The following TMEM156 variants were observed in gnomAD, a reference collection of about 807,000 sequenced individuals.
TMEM156 encodes the protein transmembrane protein 156.
TMEM156 carries 28 observed loss-of-function variants against 30.5 expected under a neutral mutation model. The ratio of observed to expected loss-of-function variants is 0.92; its 90% CI spans 0.68 to 1.26. The LOEUF is 1.26. Among genes scored for constraint, TMEM156 ranks in the 50% most tolerant of loss-of-function variants. The pLI is 0.00. For synonymous variants in TMEM156, 137 were observed against 119.9 expected, an observed-to-expected ratio of 1.14 and a Z score of -0.93; for missense variants, 351 against 340.6, an observed-to-expected ratio of 1.03 and a Z score of -0.24.
At chr4:39,029,979 A>G (rs1003061702) in intron 1 of TMEM156, among the ~76,000 whole-genome samples, 17 of 151,982 alleles carry the variant, frequency 1.1e-4, no homozygotes, top group Admixed American at 2.6e-4. Context: ...TTCTACCACT[A>G]AATAATGTAA....
At chr4:38,976,351 C>CCTGG (rs1474425446) in intron 5 of TMEM156, among the ~76,000 whole-genome samples, 1 of 151,412 alleles carries the variant, frequency 6.6e-6, no homozygotes, top group Admixed American at 6.6e-5. Flanking sequence ...GACAGGGACT[C>CCTGG]CTGGTGGTGA....
At chr4:38,997,411 CA>C (rs2059281423) in intron 2 of TMEM156, among the ~76,000 whole-genome samples, 1 of 152,120 alleles carries the variant, frequency 6.6e-6, no homozygotes, top group Non-Finnish European at 1.5e-5. Flanking sequence ...TGCACATGTA[CA>C]CCCTGAATCT....
chr4:38,982,139 C>G (rs1711609183), intron 5 of TMEM156, among the ~76,000 whole-genome samples: 1 of 152,144 alleles, frequency 6.6e-6, no homozygotes, highest in South Asian at 2.1e-4. Flanking sequence ...GGCAGAAGAA[C>G]CTGGAAAGAT....
chr4:38,991,407 G>A (rs570795550), intron 3 of TMEM156, among the ~76,000 whole-genome samples: 1 of 151,480 alleles, frequency 6.6e-6, no homozygotes, highest in South Asian at 2.1e-4. Context: ...TTTTTGTAGA[G>A]TCAGGGTTTC....
At chr4:39,018,335 T>C (rs1714637106) in intron 1 of TMEM156, among the ~76,000 whole-genome samples, 1 of 152,246 alleles carries the variant, frequency 6.6e-6, no homozygotes, top group African/African-American at 2.4e-5. Context: ...GTTTTTTCAC[T>C]GACATACAAA....
intron 6 of TMEM156, among the ~76,000 whole-genome samples, chr4:38,970,316 T>C (rs1369337552): frequency 6.6e-6 from 1 of 152,164 alleles, no homozygotes; most frequent in Non-Finnish European, 1.5e-5. Context: ...TAATATGCCC[T>C]TCATTAAACT....
At chr4:38,994,772 A>C (rs1049343621) in intron 2 of TMEM156, among the ~76,000 whole-genome samples, 5 of 152,070 alleles carry the variant, frequency 3.3e-5, no homozygotes, top group African/African-American at 1.2e-4. Flanking sequence ...ACATGGCAAA[A>C]TCCTATCTCT....
At chr4:38,981,470 A>G (rs574913040) in intron 5 of TMEM156, among the ~76,000 whole-genome samples, 33 of 152,336 alleles carry the variant, frequency 2.2e-4, no homozygotes, top group African/African-American at 6.7e-4. Flanking sequence ...TTATATAGAC[A>G]AAATGTTTTG....
intron 1 of TMEM156, among the ~76,000 whole-genome samples, chr4:39,025,362 A>G: frequency 6.6e-6 from 1 of 151,746 alleles, no homozygotes; most frequent in South Asian, 2.1e-4. Flanking sequence ...AAAAAAAAAA[A>G]AAAAAAGATT....
At chr4:38,978,609 C>A (rs1723004707) in intron 5 of TMEM156, among the ~76,000 whole-genome samples, 1 of 152,156 alleles carries the variant, frequency 6.6e-6, no homozygotes, top group Non-Finnish European at 1.5e-5. Context: ...ATAAAATGGT[C>A]CTCTGATTTT....
At chr4:38,974,172 TC>T (rs1364718093) in intron 5 of TMEM156, among the ~76,000 whole-genome samples, 1 of 151,546 alleles carries the variant, frequency 6.6e-6, no homozygotes, top group Non-Finnish European at 1.5e-5. Flanking sequence ...AAGTAAGATT[TC>T]TCAATGATTT....
intron 5 of TMEM156, among the ~76,000 whole-genome samples, chr4:38,978,361 C>A (rs1004207913): frequency 2.0e-5 from 3 of 152,202 alleles, no homozygotes; most frequent in African/African-American, 7.2e-5. Flanking sequence ...ACTTACCCAA[C>A]TTTGTTGTAA....
chr4:39,006,659 G>A (rs563743566), intron 1 of TMEM156, among the ~76,000 whole-genome samples: 2 of 152,118 alleles, frequency 1.3e-5, no homozygotes, highest in Non-Finnish European at 2.9e-5. Flanking sequence ...GCTCATGCCT[G>A]TAATCCCAGC....
intron 1 of TMEM156, among the ~76,000 whole-genome samples, chr4:39,002,181 T>A: frequency 6.9e-6 from 1 of 145,500 alleles, no homozygotes; most frequent in African/African-American, 2.5e-5. Context: ...TCAAACAAAT[T>A]TACAAGAAAA....
intron 5 of TMEM156, among the ~76,000 whole-genome samples, chr4:38,984,196 A>G (rs1331398687): frequency 6.6e-6 from 1 of 152,166 alleles, no homozygotes; most frequent in Non-Finnish European, 1.5e-5. Flanking sequence ...ATCAGTGTCC[A>G]CCGTGCCCCT....
chr4:38,974,712 C>T (rs1296631624), intron 5 of TMEM156, among the ~76,000 whole-genome samples: 2 of 150,076 alleles, frequency 1.3e-5, no homozygotes, highest in East Asian at 1.9e-4. Flanking sequence ...ATTCTTGTCG[C>T]CCAGGCTAGA....
At chr4:38,979,847 T>G (rs560108767) in intron 5 of TMEM156, among the ~76,000 whole-genome samples, 31 of 152,320 alleles carry the variant, frequency 2.0e-4, no homozygotes, top group Admixed American at 7.8e-4. Context: ...TTCAGTGATC[T>G]GGCTTCAAAA....
intron 1 of TMEM156, among the ~76,000 whole-genome samples, chr4:39,016,587 T>C (rs1046940821): frequency 4.6e-5 from 7 of 152,208 alleles, no homozygotes; most frequent in African/African-American, 1.7e-4. Context: ...AAACAGATAG[T>C]ATTTTTTAAT....
chr4:39,023,253 G>A (rs946760048), intron 1 of TMEM156, among the ~76,000 whole-genome samples: 2 of 152,196 alleles, frequency 1.3e-5, no homozygotes, highest in African/African-American at 4.8e-5. Flanking sequence ...TGTGAAGGCT[G>A]TTGTTTACAA....
Sources: allele counts gnomAD v4.1 joint callset (sites outside exome capture counted in the v4.1 genomes callset), GRCh38; gene constraint gnomAD v4.1.1; transcripts MANE v1.5; gene names NCBI Gene and HGNC (gene_info 2026-07-23, HGNC 2026-07-21).